The following API5 variants were observed in gnomAD, a reference collection of about 807,000 sequenced individuals.
API5 encodes the protein FIF.
A neutral mutation model predicts 71.9 loss-of-function variants in API5; 6 were observed. That is an observed-to-expected ratio of 0.08 (90% CI 0.05 to 0.16). The LOEUF (loss-of-function observed/expected upper bound fraction) is 0.16. Ranked by LOEUF, API5 falls within the 10% of genes least tolerant of loss-of-function variation. The pLI is 1.00. For missense variants in API5, 332 were observed against 612.8 expected (o/e 0.54, Z 4.84); for synonymous variants, 189 against 221.3 (o/e 0.85, Z 1.30).
At chr11:43,312,487 CG>C (rs55886076) in intron 1 of API5, among the ~76,000 whole-genome samples, 152,260 of 152,262 alleles carry the variant, frequency 1, 76,129 homozygotes, top group Middle Eastern at 1. Context: ...ATTCTTCTCA[CG>C]GAGCTTTTCT....
intron 6 of API5, among the ~76,000 whole-genome samples, chr11:43,324,235 C>T (rs1342941526): frequency 6.6e-6 from 1 of 152,180 alleles, no homozygotes; most frequent in African/African-American, 2.4e-5. Flanking sequence ...CCATACTAGT[C>T]TTGAACTCCT....
intron 11 of API5, among the ~76,000 whole-genome samples, chr11:43,333,421 G>C (rs992067553): frequency 6.6e-6 from 1 of 152,062 alleles, no homozygotes; most frequent in Non-Finnish European, 1.5e-5. Flanking sequence ...CCTAGTATGG[G>C]GAAAAATGAG....
At position 43,318,566 on chromosome 11, in the gene API5, G is replaced by A; in HGVS notation, c.70-74G>A. 2.5e-6 allele frequency: 4 copies of A among 1,587,122 alleles called. No individual in the cohort carries two copies. In the South Asian group the frequency reaches 3.3e-5, roughly 13 times the overall value. On this transcript the variant is annotated intron_variant, in intron 1 of 13. Coordinates refer to ENST00000531273, the MANE Select transcript of API5 (RefSeq NM_001142930.2). The stretch of plus-strand genomic sequence containing the variant: ...AAAAATTTAAAGCACACTCTAACAT[G>A]TTTGTTATGGTCTTTTACTTTGCTT...
At chr11:43,319,556 C>G (rs1212271925) in intron 2 of API5, among the ~76,000 whole-genome samples, 2 of 152,050 alleles carry the variant, frequency 1.3e-5, no homozygotes, top group Non-Finnish European at 2.9e-5. Flanking sequence ...TTTAGCCTCC[C>G]AAGCAGCACA....
At position 43,324,669 on chromosome 11, in the gene API5, C is replaced by CATTT. The variant is rs559979340; in HGVS notation, c.750+1056_750+1059dup. The stretch of plus-strand genomic sequence containing the variant: ...CCAACACTAAAAGATGTCCACAATT[C>CATTT]ATTTATTTATTTATTTATTTATTTA... On this transcript the variant is annotated intron_variant, in intron 6 of 13. Transcript: ENST00000531273. 9.1e-3 allele frequency among the ~76,000 whole-genome samples: 1,385 copies of CATTT among 151,874 alleles called. 10 individuals are homozygous for CATTT. The highest frequency in any genetic ancestry group is 0.028 in the African/African-American group (1,154 of 41,400).
chr11:43,323,417 G>A lies in API5; in HGVS notation c.544-13G>A. 1.2e-6 allele frequency: 2 copies of A among 1,602,684 alleles called. No homozygotes were observed. Among genetic ancestry groups the A allele is most frequent in the Non-Finnish European group, 1.7e-6 (2 of 1,169,816 alleles). On this transcript the variant is annotated splice_polypyrimidine_tract_variant and intron_variant, in intron 5 of 13. Coordinates refer to ENST00000531273, the MANE Select transcript of API5 (RefSeq NM_001142930.2). ...GATGAACATACTCTTATTCTGAATT[G>A]TCTCTTTTCCAGGTCCTAGAAGATG... is the stretch of plus-strand genomic sequence containing the variant.
chr11:43,325,277 C>A (rs1395738142), intron 6 of API5, among the ~76,000 whole-genome samples: 1 of 152,112 alleles, frequency 6.6e-6, no homozygotes, highest in Non-Finnish European at 1.5e-5. Flanking sequence ...GAAGCAAGAA[C>A]AAATATCGAA....
rs148980039 is a variant in API5, at chr11:43,314,444, C to A, written c.69+2248C>A. On this transcript the variant is annotated intron_variant, in intron 1 of 13. Coordinates refer to ENST00000531273, the MANE Select transcript of API5 (RefSeq NM_001142930.2). ...GAATTGAGAGTTCTCCCCAAGGGGT[C>A]AAAATGTCTTTCACAGCAAAAATCT... is the stretch of plus-strand genomic sequence containing the variant. Among the ~76,000 whole-genome samples, 6 of 152,260 alleles carry A rather than the reference C, an allele frequency of 3.9e-5. No individual in the cohort carries two copies. The East Asian group carries it at 9.6e-4, about 24-fold the overall frequency.
chr11:43,321,597 T>A, intron 4 of API5, 121 bp downstream of exon 4: 1 of 822,046 alleles, frequency 1.2e-6, no homozygotes, highest in Non-Finnish European at 1.8e-6. Context: ...AAATTCTAAG[T>A]ATTGTGAAAA....
At chr11:43,340,682 C>CA (rs989393153) in intron 13 of API5, among the ~76,000 whole-genome samples, 123 of 139,320 alleles carry the variant, frequency 8.8e-4, no homozygotes, top group African/African-American at 2.9e-3. Flanking sequence ...ATTGGAGGGA[C>CA]AAAAAAAAAA....
chr11:43,314,566 C>T lies in API5; in HGVS notation c.69+2370C>T, dbSNP rs115186210. On this transcript the variant is annotated intron_variant, in intron 1 of 13. Coordinates refer to ENST00000531273, the MANE Select transcript of API5 (RefSeq NM_001142930.2). Reference sequence around the variant, plus strand: ...TTAATGAGGACTCCATGCTTTATTCCGTACATTTCACCTACCATGTACCAC... The same window carrying T: ...TTAATGAGGACTCCATGCTTTATTCTGTACATTTCACCTACCATGTACCAC... Among the ~76,000 whole-genome samples the T allele has an allele frequency of 4.6e-3, 700 of 152,240 alleles. 1 individual carries two copies. The highest frequency in any genetic ancestry group is 0.016 in the African/African-American group (676 of 41,512).
intron 1 of API5, among the ~76,000 whole-genome samples, chr11:43,316,670 G>A (rs1027315084): frequency 2.6e-5 from 4 of 152,056 alleles, no homozygotes; most frequent in African/African-American, 9.7e-5. Flanking sequence ...TCAGGCTGGA[G>A]TGCAGTGGCG....
chr11:43,328,540 C>G (rs1216011773), intron 8 of API5, among the ~76,000 whole-genome samples, 172 bp from the exon 9 acceptor site: 1 of 152,116 alleles, frequency 6.6e-6, no homozygotes, highest in Non-Finnish European at 1.5e-5. Flanking sequence ...TAATATGGAG[C>G]GTTGACAGGC....
At chr11:43,316,518 A>G (rs1854677291) in intron 1 of API5, among the ~76,000 whole-genome samples, 2 of 152,122 alleles carry the variant, frequency 1.3e-5, no homozygotes, top group Non-Finnish European at 2.9e-5. Context: ...ACAAACTTTG[A>G]TTTTATGAAG....
chr11:43,335,154 C>A, intron 11 of API5, 124 bp from the exon 12 acceptor site: 1 of 700,884 alleles, frequency 1.4e-6, no homozygotes, highest in East Asian at 2.6e-5. Context: ...GTTTAATTTT[C>A]TGTTGCAGTA....
chr11:43,313,479 C>T (rs1590344670), intron 1 of API5, among the ~76,000 whole-genome samples: 1 of 152,126 alleles, frequency 6.6e-6, no homozygotes. Context: ...CTTACGCATC[C>T]CTTCTTGGAG....
At chr11:43,338,648 T>TAAAAAAAAA (rs35510804) in intron 13 of API5, among the ~76,000 whole-genome samples, 1 of 97,006 alleles carries the variant, frequency 1.0e-5, no homozygotes, top group Non-Finnish European at 1.9e-5. Context: ...CAATTGGAGG[T>TAAAAAAAAA]AAAAAAAAAA....
intron 1 of API5, among the ~76,000 whole-genome samples, chr11:43,315,731 C>G (rs1311508800): frequency 2.6e-5 from 4 of 152,128 alleles, no homozygotes; most frequent in Admixed American, 6.6e-5. Context: ...CTTTCCCCCA[C>G]TCTGCCTCTG....
chr11:43,340,225 A>G lies in API5; in HGVS notation c.1493-2203A>G, dbSNP rs182398646. ...AAATCTAGGAATAAATTAACCAAGA[A>G]GGTAAAATATTTCTATACAAGGAAA... On this transcript the variant is annotated intron_variant, in intron 13 of 13. Coordinates refer to ENST00000531273, the MANE Select transcript of API5 (RefSeq NM_001142930.2). 1.4e-3 allele frequency: 498 copies of G among 355,962 alleles called. 5 individuals carry two copies. The highest frequency in any genetic ancestry group is 0.01 in the African/African-American group (465 of 44,766). The allele number at this position is 355,962 out of a possible 1,614,324, so 22.1% of individuals were successfully genotyped here. A position where few individuals can be genotyped will look rare whatever the true frequency, so the allele number is the denominator to read the frequency against.
Sources: allele counts gnomAD v4.1 joint callset (sites outside exome capture counted in the v4.1 genomes callset), GRCh38; gene constraint gnomAD v4.1.1; transcripts MANE v1.5; gene names NCBI Gene and HGNC (gene_info 2026-07-23, HGNC 2026-07-21).